Variants in GSTA4 observed in about 807,000 individuals in gnomAD.
GSTA4 encodes the protein glutathione S-transferase alpha 4.
Under a neutral mutation model 24.4 loss-of-function variants are expected in GSTA4, and 15 were observed. The observed-to-expected ratio is 0.61, with a 90% confidence interval of 0.41 to 0.95. The LOEUF is 0.95. GSTA4 is among the 40% of genes least tolerant of loss of function. The pLI is 0.00. For missense variants in GSTA4, 244 were observed against 262.1 expected (o/e 0.93, Z 0.48); for synonymous variants, 92 against 94.2 (o/e 0.98, Z 0.13).
chr6:52,980,858 A>G (rs1357002038), intron 6 of GSTA4, among the ~76,000 whole-genome samples: 1 of 152,216 alleles, frequency 6.6e-6, no homozygotes, highest in Non-Finnish European at 1.5e-5. Flanking sequence ...AGTGAAGCCC[A>G]TCTCCTAGGG....
intron 6 of GSTA4, among the ~76,000 whole-genome samples, chr6:52,981,284 T>C (rs1763447737): frequency 6.6e-6 from 1 of 152,226 alleles, no homozygotes; most frequent in African/African-American, 2.4e-5. Flanking sequence ...GTATGTGTGT[T>C]ACTCTTTGGA....
intron 2 of GSTA4, among the ~76,000 whole-genome samples, chr6:52,992,772 A>G (rs1283920999): frequency 1.3e-5 from 2 of 152,192 alleles, no homozygotes; most frequent in Non-Finnish European, 2.9e-5. Flanking sequence ...AACAGGATGA[A>G]TAAATATAAT....
At chr6:52,983,372 T>C (rs554861441) in intron 5 of GSTA4, among the ~76,000 whole-genome samples, 1 of 152,186 alleles carries the variant, frequency 6.6e-6, no homozygotes, top group African/African-American at 2.4e-5. Flanking sequence ...GGAGATCCCC[T>C]TCACAGTCAA....
chr6:52,986,783 G>A (rs1290685677), intron 3 of GSTA4, among the ~76,000 whole-genome samples: 1 of 152,196 alleles, frequency 6.6e-6, no homozygotes, highest in East Asian at 1.9e-4. Context: ...CCCTGCTGTT[G>A]GCTGGGAGGG....
At chr6:52,990,795 G>T (rs978410604) in intron 2 of GSTA4, among the ~76,000 whole-genome samples, 1 of 152,158 alleles carries the variant, frequency 6.6e-6, no homozygotes, top group Non-Finnish European at 1.5e-5. Context: ...AAGTGAAGTT[G>T]AGCAGGTTCA....
chr6:52,978,655 G>A (rs1195120476), intron 6 of GSTA4, 63 bp from the exon 7 acceptor site: 1 of 1,289,528 alleles, frequency 7.8e-7, no homozygotes, highest in South Asian at 1.4e-5. Context: ...ACGAAGATAT[G>A]GTTATGCAAA....
At chr6:52,987,100 G>A (rs1473358749) in intron 3 of GSTA4, among the ~76,000 whole-genome samples, 2 of 152,070 alleles carry the variant, frequency 1.3e-5, no homozygotes, top group Admixed American at 1.3e-4. Context: ...GGGGAGAGGG[G>A]AGAAGAAAGG....
chr6:52,993,619 T>C (rs775596761), intron 2 of GSTA4, among the ~76,000 whole-genome samples: 13 of 152,236 alleles, frequency 8.5e-5, no homozygotes, highest in Non-Finnish European at 1.2e-4. Context: ...AGGGAGGTGA[T>C]AGATGAAACA....
chr6:52,984,850 AC>A (rs1282178358), intron 4 of GSTA4, among the ~76,000 whole-genome samples: 2 of 151,884 alleles, frequency 1.3e-5, no homozygotes, highest in African/African-American at 2.4e-5. Context: ...CTGGCATCCT[AC>A]TCCTCCACTT....
intron 5 of GSTA4, 138 bp downstream of exon 5, chr6:52,984,326 C>T: frequency 1.4e-6 from 1 of 736,748 alleles, no homozygotes; most frequent in Admixed American, 2.7e-5. Flanking sequence ...ACTATTCGCT[C>T]TTAGGAGTCC....
At position 52,985,012 on chromosome 6, in the gene GSTA4, G is replaced by A. The variant is rs992303509; in HGVS notation, c.273-407C>T. ...ATCTCATTAAATCACATGACACTAT[G>A]AGAAATGTACTATTCTTATACCCAC... On this transcript the variant is annotated intron_variant, in intron 4 of 6. Coordinates refer to ENST00000370963, the MANE Select transcript of GSTA4 (RefSeq NM_001512.4). 7.9e-5 allele frequency among the ~76,000 whole-genome samples: 12 copies of A among 152,146 alleles called. 1 individual carries two copies.
intron 2 of GSTA4, among the ~76,000 whole-genome samples, chr6:52,993,631 G>C (rs1441346885): frequency 6.6e-6 from 1 of 152,186 alleles, no homozygotes; most frequent in Admixed American, 6.5e-5. Flanking sequence ...GATGAAACAA[G>C]ATTAGCATAG....
chr6:52,990,947 T>G (rs1763648470), intron 2 of GSTA4, among the ~76,000 whole-genome samples: 2 of 152,302 alleles, frequency 1.3e-5, no homozygotes, highest in Admixed American at 6.5e-5. Flanking sequence ...CATCTTCCAA[T>G]TTCTAAAGAC....
At chr6:52,991,939 G>A (rs1036525138) in intron 2 of GSTA4, among the ~76,000 whole-genome samples, 1 of 151,792 alleles carries the variant, frequency 6.6e-6, no homozygotes, top group African/African-American at 2.4e-5. Flanking sequence ...GTATTTTTGG[G>A]AGAGACGGGG....
At chr6:52,986,086 C>T (rs1036713869) in intron 3 of GSTA4, among the ~76,000 whole-genome samples, 7 of 152,082 alleles carry the variant, frequency 4.6e-5, no homozygotes, top group Admixed American at 1.3e-4. Context: ...TTGTTATAAA[C>T]GTTCCCTTTT....
At position 52,978,464 on chromosome 6, in the gene GSTA4, G is replaced by A. The variant is rs372451216; in HGVS notation, c.*6C>T. 90 of 1,613,058 alleles carry A rather than the reference G, an allele frequency of 5.6e-5. No homozygotes were observed. Among genetic ancestry groups the A allele is most frequent in the Non-Finnish European group, 7.1e-5 (84 of 1,179,550 alleles). On this transcript the variant is annotated 3_prime_UTR_variant, in exon 7 of 7. Transcript: ENST00000370963. ...CACACTGTCACTCACACATGGATGT[G>A]TTGTTTTATGGCCTAAAGATGTTGT...
In GSTA4 at chr6:52,979,619, A is replaced by C. The variant is rs534705328; in HGVS notation, c.547-1027T>G. ...ATGCTCATCATATATAATTATTCTA[A>C]TAAAACCTTTTAAAGATATTTAAAT... On this transcript the variant is annotated intron_variant, in intron 6 of 6. Transcript: ENST00000370963. 3.3e-5 allele frequency among the ~76,000 whole-genome samples: 5 copies of C among 152,354 alleles called. No individual in the cohort carries two copies. The South Asian group carries it at 1.0e-3, about 32-fold the overall frequency.
intron 5 of GSTA4, among the ~76,000 whole-genome samples, chr6:52,983,217 T>C (rs950747627): frequency 2.0e-5 from 3 of 152,168 alleles, no homozygotes; most frequent in Non-Finnish European, 4.4e-5. Context: ...AATTATAAAA[T>C]TAGACTTCCT....
chr6:52,986,284 T>C (rs1416128098), intron 3 of GSTA4, among the ~76,000 whole-genome samples: 1 of 152,246 alleles, frequency 6.6e-6, no homozygotes, highest in Non-Finnish European at 1.5e-5. Context: ...GCACTAGACA[T>C]ATTTCATGTG....
Sources: gnomAD v4.1 joint callset for allele counts (sites outside exome capture counted in the v4.1 genomes callset) on GRCh38, gnomAD v4.1.1 for gene constraint, MANE v1.5 for transcripts, NCBI Gene and HGNC (gene_info 2026-07-23, HGNC 2026-07-21) for gene names.